ESD: variants seen among roughly 807,000 people sequenced by gnomAD.
ESD encodes S-formylglutathione hydrolase.
In ESD, 34 loss-of-function variants were observed where a neutral mutation model predicts 38.1. The observed-to-expected ratio is 0.89, with a 90% confidence interval of 0.68 to 1.19. The LOEUF is 1.19. Among genes scored for constraint, ESD ranks in the 50% most tolerant of loss-of-function variants. ESD has a pLI of 0.00. For synonymous variants in ESD, 97 were observed against 107.0 expected, an observed-to-expected ratio of 0.91 and a Z score of 0.58; for missense variants, 334 against 327.2, an observed-to-expected ratio of 1.02 and a Z score of -0.16.
intron 6 of ESD, among the ~76,000 whole-genome samples, chr13:46,782,044 GAAT>G (rs898887307): frequency 3.3e-4 from 50 of 151,698 alleles, no homozygotes; most frequent in African/African-American, 1.1e-3. Flanking sequence ...GCATATGACA[GAAT>G]ATTACACAAT....
In ESD at chr13:46,771,405, T is replaced by C. The variant is rs944643165; in HGVS notation, c.*11A>G. 5 of 1,561,624 alleles carry C rather than the reference T, an allele frequency of 3.2e-6. No individual in the cohort carries two copies. The South Asian group carries it at 4.5e-5, about 14-fold the overall frequency. The stretch of plus-strand genomic sequence containing the variant: ...TATAATCCTGAAGAGATTCTCTTAT[T>C]TGGAGTTTTTTCATGCATTCAGGTA... On this transcript the variant is annotated 3_prime_UTR_variant, in exon 10 of 10. Transcript: ENST00000378720.
chr13:46,790,980 G>C lies in ESD; in HGVS notation c.68+366C>G, dbSNP rs187948343. 9.2e-5 allele frequency among the ~76,000 whole-genome samples: 14 copies of C among 152,276 alleles called. 1 individual carries two copies. In the East Asian group the frequency reaches 1.5e-3, roughly 17 times the overall value. On this transcript the variant is annotated intron_variant, in intron 3 of 9. Coordinates refer to ENST00000378720, the MANE Select transcript of ESD (RefSeq NM_001984.2). Reference sequence around the variant, plus strand: ...GTTAGTCAGAGTTTTGGAGGCAGCGGAAGCAAATGCATGTGTTTAGTGTGC... The same window carrying C: ...GTTAGTCAGAGTTTTGGAGGCAGCGCAAGCAAATGCATGTGTTTAGTGTGC...
At chr13:46,795,015 C>T (rs1875527184) in intron 1 of ESD, among the ~76,000 whole-genome samples, 1 of 152,218 alleles carries the variant, frequency 6.6e-6, no homozygotes, top group African/African-American at 2.4e-5. Flanking sequence ...CAAGACATGT[C>T]ACCAGCTATT....
At chr13:46,784,739 A>G (rs1330028308) in intron 4 of ESD, among the ~76,000 whole-genome samples, 1 of 151,974 alleles carries the variant, frequency 6.6e-6, no homozygotes, top group African/African-American at 2.4e-5. Context: ...ACTTTTTCAC[A>G]AAATTTGTAA....
chr13:46,771,334 AT>A lies in ESD; in HGVS notation c.*81del, dbSNP rs199682790. 0.096 allele frequency: 65,509 copies of A among 681,932 alleles called. No homozygotes were observed. Among genetic ancestry groups the A allele is most frequent in the Non-Finnish European group, 0.11 (48,496 of 429,312 alleles). The allele number at this position is 681,932 out of a possible 1,614,324, so 42.2% of individuals were successfully genotyped here. The stretch of plus-strand genomic sequence containing the variant: ...AGCACTATAAAATCCAATGTTTTGA[AT>A]TTTTTTTTTTTTTGCTCAGCAATAC... On this transcript the variant is annotated 3_prime_UTR_variant, in exon 10 of 10. Coordinates refer to ENST00000378720, the MANE Select transcript of ESD (RefSeq NM_001984.2).
intron 9 of ESD, chr13:46,776,953 C>T (rs1874818905): frequency 6.6e-6 from 1 of 151,896 alleles, no homozygotes. Context: ...CTTGCAAGCC[C>T]ATTGGGATTC....
In ESD at chr13:46,793,508, T is replaced by C. The variant is rs1357017881; in HGVS notation, c.-55-64A>G. On this transcript the variant is annotated intron_variant, in intron 1 of 9. Coordinates refer to ENST00000378720, the MANE Select transcript of ESD (RefSeq NM_001984.2). ...TTTCACAGCAAAGGTTATACAGAGC[T>C]TTTATATGCATATGCATTCTCAATA... 2.0e-5 allele frequency: 3 copies of C among 152,586 alleles called. No homozygotes were observed. The East Asian group carries it at 5.8e-4, about 29-fold the overall frequency. The allele number at this position is 152,586 out of a possible 1,614,324, so 9.5% of individuals were successfully genotyped here.
intron 9 of ESD, chr13:46,775,423 T>C (rs1874758433): frequency 4.3e-6 from 1 of 234,810 alleles, no homozygotes; most frequent in African/African-American, 2.3e-5. Flanking sequence ...AGATCGTTTA[T>C]TTATATATAT....
intron 4 of ESD, chr13:46,785,686 A>G (rs765967276): frequency 2.0e-5 from 3 of 152,002 alleles, no homozygotes; most frequent in Non-Finnish European, 4.4e-5. Context: ...TCCAAGGTCT[A>G]TCTGTTCTTC....
At chr13:46,796,563 G>A (rs1420083684) in intron 1 of ESD, among the ~76,000 whole-genome samples, 1 of 152,124 alleles carries the variant, frequency 6.6e-6, no homozygotes, top group African/African-American at 2.4e-5. Context: ...TTTACGACCC[G>A]AACAGATTTT....
At position 46,783,194 on chromosome 13, in the gene ESD, T is replaced by C. The variant is rs1326461159; in HGVS notation, c.257-403A>G. Among the ~76,000 whole-genome samples, 8 of 152,070 alleles carry C rather than the reference T, an allele frequency of 5.3e-5. No homozygotes were observed. In the East Asian group the frequency reaches 1.5e-3, roughly 29 times the overall value. On this transcript the variant is annotated intron_variant, in intron 5 of 9. Transcript: ENST00000378720. The stretch of plus-strand genomic sequence containing the variant: ...CCCTTCCCTGATGACCCTCTCTCAC[T>C]ATCAGCACTTTTTAAATTCTCTTTA...
chr13:46,775,328 G>C (rs1874754011), intron 9 of ESD: 1 of 161,854 alleles, frequency 6.2e-6, no homozygotes, highest in Non-Finnish European at 1.4e-5. Flanking sequence ...TAAATTGTGA[G>C]CATTTAACAC....
chr13:46,778,304 C>G (rs946647788), intron 8 of ESD, among the ~76,000 whole-genome samples: 1 of 151,800 alleles, frequency 6.6e-6, no homozygotes, highest in South Asian at 2.1e-4. Flanking sequence ...CAACTTTATA[C>G]ATTGACCAAG....
intron 4 of ESD, among the ~76,000 whole-genome samples, chr13:46,785,421 A>C (rs982042353): frequency 6.6e-6 from 1 of 152,056 alleles, no homozygotes; most frequent in Non-Finnish European, 1.5e-5. Flanking sequence ...CAGCTAATAA[A>C]GGGCTGTTTC....
intron 8 of ESD, among the ~76,000 whole-genome samples, chr13:46,777,870 A>C (rs762485428): frequency 2.4e-4 from 37 of 151,758 alleles, no homozygotes; most frequent in Non-Finnish European, 4.6e-4. Flanking sequence ...AGAATCCCAT[A>C]TCTCAGGGAT....
At chr13:46,774,380 G>A (rs1459717959) in intron 9 of ESD, among the ~76,000 whole-genome samples, 2 of 152,120 alleles carry the variant, frequency 1.3e-5, no homozygotes, top group African/African-American at 2.4e-5. Context: ...TACACAATTC[G>A]AGCTAATTGT....
At chr13:46,782,439 G>A (rs1248558217) in intron 6 of ESD, among the ~76,000 whole-genome samples, 1 of 151,584 alleles carries the variant, frequency 6.6e-6, no homozygotes, top group Non-Finnish European at 1.5e-5. Flanking sequence ...CATTTTCTTG[G>A]TTATTCTGGG....
intron 5 of ESD, among the ~76,000 whole-genome samples, chr13:46,783,939 A>G (rs917475772): frequency 2.0e-5 from 3 of 152,144 alleles, no homozygotes; most frequent in Non-Finnish European, 1.5e-5. Flanking sequence ...TTTCCTATGC[A>G]TTACACATTA....
intron 3 of ESD, among the ~76,000 whole-genome samples, chr13:46,787,645 A>G (rs544210179): frequency 6.6e-6 from 1 of 152,054 alleles, no homozygotes; most frequent in African/African-American, 2.4e-5. Flanking sequence ...GTGATCTCTC[A>G]TGGGTTTATT....
Sources: gnomAD v4.1 joint callset for allele counts (sites outside exome capture counted in the v4.1 genomes callset) on GRCh38, gnomAD v4.1.1 for gene constraint, MANE v1.5 for transcripts, NCBI Gene and HGNC (gene_info 2026-07-23, HGNC 2026-07-21) for gene names.